Variants in CADM2 observed in about 807,000 individuals in gnomAD.
The protein encoded by CADM2 is cell adhesion molecule 2.
A neutral mutation model predicts 49.8 loss-of-function variants in CADM2; 12 were observed. The observed-to-expected ratio is 0.24, with a 90% CI of 0.15 to 0.39. The LOEUF (loss-of-function observed/expected upper bound fraction) is 0.39, where lower values mean the gene tolerates loss of function less well. Among genes scored for constraint, CADM2 ranks in the 10% least tolerant of loss-of-function variants. The pLI, the probability that CADM2 is intolerant of heterozygous loss-of-function variation, is 1.00. For synonymous variants in CADM2, 214 were observed against 175.4 expected, an observed-to-expected ratio of 1.22 and a Z score of -1.74; for missense variants, 378 against 492.3, an observed-to-expected ratio of 0.77 and a Z score of 2.20.
intron 3 of CADM2, among the ~76,000 whole-genome samples, chr3:85,825,224 C>A (rs1441020872): frequency 6.6e-6 from 1 of 151,958 alleles, no homozygotes; most frequent in Non-Finnish European, 1.5e-5. Context: ...GTAGAAAACA[C>A]ATGGCACCAT....
intron 2 of CADM2, among the ~76,000 whole-genome samples, chr3:85,791,510 G>A (rs1409363151): frequency 6.7e-6 from 1 of 149,142 alleles, no homozygotes. Flanking sequence ...GACGGAGAGA[G>A]GGGTGGGGAG....
At chr3:85,512,509 A>T (rs1369872855) in intron 1 of CADM2, among the ~76,000 whole-genome samples, 1 of 152,098 alleles carries the variant, frequency 6.6e-6, no homozygotes, top group Admixed American at 6.6e-5. Flanking sequence ...CAGTAAACTC[A>T]ATCTCTGTAT....
chr3:85,343,453 A>C (rs1488977108), intron 1 of CADM2, among the ~76,000 whole-genome samples: 1 of 152,146 alleles, frequency 6.6e-6, no homozygotes, highest in African/African-American at 2.4e-5. Flanking sequence ...CAAGTTTATC[A>C]CTGAATACCA....
intron 1 of CADM2, among the ~76,000 whole-genome samples, chr3:85,515,547 C>T (rs972651644): frequency 5.4e-5 from 8 of 148,680 alleles, no homozygotes; most frequent in African/African-American, 7.4e-5. Flanking sequence ...CTCAGCCTCC[C>T]GAGTAGCTGG....
intron 5 of CADM2, among the ~76,000 whole-genome samples, chr3:85,898,765 T>C (rs996680985): frequency 2.6e-5 from 4 of 151,316 alleles, no homozygotes; most frequent in Non-Finnish European, 5.9e-5. Flanking sequence ...GTAAAGCTAC[T>C]ATGAACATTT....
rs1329038698 is a variant in CADM2 at position 85,945,671 on chromosome 3, CA to C, written c.791+9819del. 2.0e-5 allele frequency among the ~76,000 whole-genome samples: 3 copies of C among 152,066 alleles called. No homozygotes were observed. In the East Asian group the frequency reaches 5.8e-4, roughly 29 times the overall value. On this transcript the variant is annotated intron_variant, in intron 7 of 9. Coordinates refer to ENST00000383699, the MANE Select transcript of CADM2 (RefSeq NM_001167675.2). ...TCCAGCATATAAACAGAACCAAAGA[CA>C]AAAACCACGTGATTATCTCAATAGA...
intron 8 of CADM2, among the ~76,000 whole-genome samples, chr3:86,049,767 C>A (rs1006724378): frequency 1.3e-5 from 2 of 152,136 alleles, no homozygotes; most frequent in Non-Finnish European, 2.9e-5. Context: ...CATGAGAACT[C>A]ACTCACTATC....
chr3:85,863,120 T>TA (rs2075598698), intron 3 of CADM2, among the ~76,000 whole-genome samples: 1 of 152,156 alleles, frequency 6.6e-6, no homozygotes, highest in African/African-American at 2.4e-5. Context: ...ATTGTCAGCA[T>TA]ATTGATGGCC....
At chr3:85,762,113 G>A (rs1466710969) in intron 2 of CADM2, among the ~76,000 whole-genome samples, 1 of 152,112 alleles carries the variant, frequency 6.6e-6, no homozygotes, top group African/African-American at 2.4e-5. Flanking sequence ...AAACAAACAC[G>A]GGAAATCCTT....
At chr3:86,059,055 C>A (rs1251248952) in intron 8 of CADM2, among the ~76,000 whole-genome samples, 1 of 149,926 alleles carries the variant, frequency 6.7e-6, no homozygotes, top group Non-Finnish European at 1.5e-5. Context: ...GATTGTACCC[C>A]TGCACTTCAG....
intron 2 of CADM2, among the ~76,000 whole-genome samples, chr3:85,796,693 C>A (rs2071644145): frequency 1.3e-5 from 2 of 152,038 alleles, no homozygotes; most frequent in African/African-American, 4.8e-5. Context: ...TCTTATGGTG[C>A]CAATCAACAC....
chr3:85,290,498 A>T (rs2106930594), intron 1 of CADM2, among the ~76,000 whole-genome samples: 1 of 152,294 alleles, frequency 6.6e-6, no homozygotes, highest in South Asian at 2.1e-4. Flanking sequence ...GAACAGACAA[A>T]CAAAAAGACA....
intron 1 of CADM2, among the ~76,000 whole-genome samples, chr3:84,977,639 T>C (rs1391076827): frequency 1.3e-5 from 2 of 152,042 alleles, no homozygotes; most frequent in African/African-American, 4.8e-5. Context: ...ACTCCTCTTA[T>C]TATAGCTTTG....
intron 1 of CADM2, among the ~76,000 whole-genome samples, chr3:85,331,506 AT>A (rs1293996120): frequency 6.6e-6 from 1 of 151,220 alleles, no homozygotes; most frequent in East Asian, 2.0e-4. Context: ...AAAAGTGACT[AT>A]TGTCACTAAA....
At chr3:85,586,663 GT>G (rs2062954434) in intron 1 of CADM2, among the ~76,000 whole-genome samples, 1 of 152,110 alleles carries the variant, frequency 6.6e-6, no homozygotes, top group African/African-American at 2.4e-5. Context: ...AATCTGTTAG[GT>G]TGGTGCAAAA....
chr3:86,044,048 A>G (rs969887075), intron 8 of CADM2, among the ~76,000 whole-genome samples: 8 of 152,226 alleles, frequency 5.3e-5, no homozygotes, highest in African/African-American at 1.9e-4. Flanking sequence ...TACACCTTAT[A>G]CAAAAATAAA....
chr3:85,596,382 T>C (rs554087788), intron 1 of CADM2, among the ~76,000 whole-genome samples: 1 of 152,044 alleles, frequency 6.6e-6, no homozygotes, highest in Non-Finnish European at 1.5e-5. Context: ...CAGTGAATAC[T>C]TTTAAGGAAA....
intron 1 of CADM2, among the ~76,000 whole-genome samples, chr3:85,094,893 G>A (rs1445204570): frequency 6.6e-6 from 1 of 151,998 alleles, no homozygotes; most frequent in Non-Finnish European, 1.5e-5. Flanking sequence ...GTGTTCACAT[G>A]AGAATGTTTT....
intron 1 of CADM2, among the ~76,000 whole-genome samples, chr3:85,327,852 G>C (rs544287618): frequency 6.6e-6 from 1 of 151,936 alleles, no homozygotes; most frequent in Non-Finnish European, 1.5e-5. Context: ...ATTTCAAAAC[G>C]TAACAATTTG....
Sources: allele counts gnomAD v4.1 joint callset (sites outside exome capture counted in the v4.1 genomes callset), GRCh38; gene constraint gnomAD v4.1.1; transcripts MANE v1.5; gene names NCBI Gene and HGNC (gene_info 2026-07-23, HGNC 2026-07-21).